The following NTRK2 variants were observed in gnomAD, a reference collection of about 807,000 sequenced individuals.
NTRK2 encodes the protein neurotrophic receptor tyrosine kinase 2, also known as BDNF/NT-3 growth factors receptor.
In NTRK2, 13 loss-of-function variants were observed where a neutral mutation model predicts 94.5. That is an observed-to-expected ratio of 0.14 (90% CI 0.09 to 0.22). The LOEUF is 0.22. Among genes scored for constraint, NTRK2 ranks in the 10% least tolerant of loss-of-function variants. NTRK2 has a pLI of 1.00. For missense variants in NTRK2, 639 were observed against 1,071.2 expected (o/e 0.60, Z 5.63); for synonymous variants, 372 against 407.4 (o/e 0.91, Z 1.05).
intron 9 of NTRK2, among the ~76,000 whole-genome samples, chr9:84,732,961 C>T (rs1373911152): frequency 6.6e-6 from 1 of 152,284 alleles, no homozygotes; most frequent in South Asian, 2.1e-4. Context: ...CTCAGCAGGA[C>T]CTGACTCCCC....
chr9:84,733,275 G>T (rs2132169755), intron 9 of NTRK2, among the ~76,000 whole-genome samples: 2 of 152,304 alleles, frequency 1.3e-5, no homozygotes, highest in Admixed American at 1.3e-4. Flanking sequence ...CACTCTCAAG[G>T]TGAATCAGAC....
rs531878498 is a variant in NTRK2 at position 84,941,152 on chromosome 9, T to G, written c.1764+6860T>G. Among the ~76,000 whole-genome samples the G allele has an allele frequency of 3.3e-5, 5 of 152,342 alleles. No homozygotes were observed. In the South Asian group the frequency reaches 1.0e-3, roughly 32 times the overall value. ...ATAGTGTCTGTGATTGTCTTTATTA[T>G]CCAGATGTTGCTTAATAGACTAGAT... On this transcript the variant is annotated intron_variant, in intron 15 of 18. Coordinates refer to ENST00000277120, the MANE Select transcript of NTRK2 (RefSeq NM_006180.6).
intron 12 of NTRK2, among the ~76,000 whole-genome samples, chr9:84,803,653 C>T (rs1236271315): frequency 6.6e-6 from 1 of 152,172 alleles, no homozygotes; most frequent in Non-Finnish European, 1.5e-5. Flanking sequence ...TTGTGGGCTC[C>T]AGATCATAGG....
chr9:84,947,277 C>A (rs948315384), intron 15 of NTRK2, among the ~76,000 whole-genome samples: 12 of 152,114 alleles, frequency 7.9e-5, no homozygotes, highest in African/African-American at 2.2e-4. Flanking sequence ...TTATAAGGAC[C>A]CTTGTAATGA....
At chr9:84,760,148 G>A (rs1385599990) in intron 12 of NTRK2, among the ~76,000 whole-genome samples, 1 of 152,172 alleles carries the variant, frequency 6.6e-6, no homozygotes, top group African/African-American at 2.4e-5. Flanking sequence ...AAACATGCTT[G>A]AGTTTAAATC....
At chr9:84,706,527 G>GT (rs71369141) in intron 4 of NTRK2, among the ~76,000 whole-genome samples, 7,671 of 81,562 alleles carry the variant, frequency 0.094, 591 homozygotes, top group Middle Eastern at 0.12. Flanking sequence ...TTTTGTTTTT[G>GT]TTTTTTTTTT....
intron 12 of NTRK2, among the ~76,000 whole-genome samples, chr9:84,846,732 T>C (rs1448564032): frequency 6.6e-6 from 1 of 152,214 alleles, no homozygotes; most frequent in Non-Finnish European, 1.5e-5. Flanking sequence ...CCAATAGTGA[T>C]AGCCAATAAA....
At chr9:84,882,717 T>TGCGCGCGCGC (rs1010534010) in intron 14 of NTRK2, among the ~76,000 whole-genome samples, 1 of 143,944 alleles carries the variant, frequency 6.9e-6, no homozygotes, top group African/African-American at 2.7e-5. Flanking sequence ...TGTGTGTGTG[T>TGCGCGCGCGC]GTGCGCGCGC....
intron 12 of NTRK2, among the ~76,000 whole-genome samples, chr9:84,821,927 C>A (rs142835178): frequency 1.1e-4 from 17 of 152,024 alleles, no homozygotes; most frequent in Admixed American, 5.9e-4. Flanking sequence ...TTCATAAGCC[C>A]ATTTACTTCC....
chr9:84,929,826 T>A (rs2077961641), intron 14 of NTRK2, among the ~76,000 whole-genome samples: 1 of 152,212 alleles, frequency 6.6e-6, no homozygotes, highest in South Asian at 2.1e-4. Flanking sequence ...CCTCCCAAAG[T>A]GCTGGGATTA....
chr9:84,980,909 A>G (rs1827509000), intron 17 of NTRK2, among the ~76,000 whole-genome samples: 1 of 152,236 alleles, frequency 6.6e-6, no homozygotes, highest in Non-Finnish European at 1.5e-5. Flanking sequence ...GTAGTGTGAA[A>G]GAAATCCTTT....
At chr9:84,679,098 A>G (rs546705623) in intron 2 of NTRK2, among the ~76,000 whole-genome samples, 1 of 152,346 alleles carries the variant, frequency 6.6e-6, no homozygotes, top group Non-Finnish European at 1.5e-5. Flanking sequence ...GGCCCTCACC[A>G]GATATGAAAC....
chr9:84,671,912 T>C (rs920881333), intron 2 of NTRK2, among the ~76,000 whole-genome samples: 1 of 152,220 alleles, frequency 6.6e-6, no homozygotes, highest in Admixed American at 6.5e-5. Context: ...TGGACTGTTA[T>C]TGTTATCATT....
intron 6 of NTRK2, among the ~76,000 whole-genome samples, chr9:84,718,520 A>C (rs937688751): frequency 6.6e-6 from 1 of 152,192 alleles, no homozygotes; most frequent in Non-Finnish European, 1.5e-5. Flanking sequence ...TCTACAGGCC[A>C]GTACATCCTT....
chr9:84,742,089 G>A (rs1002115657), intron 10 of NTRK2, among the ~76,000 whole-genome samples, 162 bp downstream of exon 10: 8 of 152,106 alleles, frequency 5.3e-5, no homozygotes, highest in African/African-American at 9.7e-5. Context: ...ATTGATGGCC[G>A]TTTTCCCTTG....
At chr9:84,934,862 T>C (rs976888216) in intron 15 of NTRK2, among the ~76,000 whole-genome samples, 4 of 152,148 alleles carry the variant, frequency 2.6e-5, no homozygotes, top group African/African-American at 7.2e-5. Flanking sequence ...GGAGACATAG[T>C]GGTTTTACTA....
In NTRK2 at chr9:84,814,170, C is replaced by G. The variant is rs188353695; in HGVS notation, c.1397-46870C>G. ...TAGCAAGGACAAGAACTAAACAATC[C>G]CAGCCCCACCCAGCAACACAGAACA... On this transcript the variant is annotated intron_variant, in intron 12 of 18. Coordinates refer to ENST00000277120, the MANE Select transcript of NTRK2 (RefSeq NM_006180.6). 3.9e-4 allele frequency: 416 copies of G among 1,065,494 alleles called. 1 individual carries two copies. Among genetic ancestry groups the G allele is most frequent in the Middle Eastern group, 8.3e-4 (2 of 2,402 alleles). The allele number at this position is 1,065,494 out of a possible 1,614,324, so 66.0% of individuals were successfully genotyped here.
At chr9:84,818,996 A>G (rs532088339) in intron 12 of NTRK2, among the ~76,000 whole-genome samples, 1 of 152,332 alleles carries the variant, frequency 6.6e-6, no homozygotes, top group South Asian at 2.1e-4. Context: ...TGCTGAGGGC[A>G]CATGCTAATT....
At chr9:84,897,414 C>T (rs1231023611) in intron 14 of NTRK2, among the ~76,000 whole-genome samples, 3 of 152,186 alleles carry the variant, frequency 2.0e-5, no homozygotes, top group Non-Finnish European at 4.4e-5. Context: ...GAATTACAGG[C>T]GTGAGCCACT....
Sources: allele counts gnomAD v4.1 joint callset (sites outside exome capture counted in the v4.1 genomes callset), GRCh38; gene constraint gnomAD v4.1.1; transcripts MANE v1.5; gene names NCBI Gene and HGNC (gene_info 2026-07-23, HGNC 2026-07-21).